Variants in MRC1 observed in about 807,000 individuals in gnomAD.
MRC1 encodes the protein macrophage mannose receptor 1.
In MRC1, 62 loss-of-function variants were observed where a neutral mutation model predicts 102.9. That is an observed-to-expected ratio of 0.60 (90% CI 0.49 to 0.74). MRC1 has a LOEUF of 0.74. Ranked by LOEUF, MRC1 falls within the 30% of genes least tolerant of loss-of-function variation. MRC1 has a pLI of 0.00. For missense variants in MRC1, 1,237 were observed against 862.8 expected (o/e 1.43, Z -5.43); for synonymous variants, 457 against 298.4 (o/e 1.53, Z -5.48).
At position 17,842,182 on chromosome 10, in the gene MRC1, C is replaced by T. The variant is rs1046441024; in HGVS notation, c.916+1376C>T. On this transcript the variant is annotated intron_variant, in intron 5 of 29. Coordinates refer to ENST00000569591, the MANE Select transcript of MRC1 (RefSeq NM_002438.4). Reference sequence around the variant, plus strand: ...TTCCCCACATTGGCCAGGCCAGTCTCGAACTTCTGAACTCAAGTGATGTGG... The same window carrying T: ...TTCCCCACATTGGCCAGGCCAGTCTTGAACTTCTGAACTCAAGTGATGTGG... Among the ~76,000 whole-genome samples the T allele has an allele frequency of 9.3e-3, 1,423 of 152,270 alleles. 23 individuals are homozygous for T. Among genetic ancestry groups the T allele is most frequent in the African/African-American group, 0.033 (1,351 of 41,558 alleles).
At chr10:17,815,890 G>A (rs1398888114) in intron 1 of MRC1, among the ~76,000 whole-genome samples, 1 of 151,248 alleles carries the variant, frequency 6.6e-6, no homozygotes, top group African/African-American at 2.4e-5. Context: ...GCAGTGGCAC[G>A]ATCTTGGCTC....
At chr10:17,839,562 T>C (rs1363032932) in intron 4 of MRC1, among the ~76,000 whole-genome samples, 1 of 152,112 alleles carries the variant, frequency 6.6e-6, no homozygotes, top group Non-Finnish European at 1.5e-5. Flanking sequence ...TAGTCCCAGC[T>C]ATTTAGGAGA....
Position 17,861,418 on chromosome 10 carries a change from T to C in MRC1, c.1550T>C (p.Met517Thr). ...AAAAAACATCACTTTTACTGCTATA[T>C]GATTGGACATACGCTTTCAACATTT... ...GWKKHHFYCYMIGHTLSTFAE... is the reference protein window; with the variant it reads ...GWKKHHFYCYTIGHTLSTFAE... The change falls in exon 10 of 30, where the codon ATG becomes ACG. Residue 517 changes from methionine (M) to threonine (T), a missense_variant. By Grantham distance (81) the Met-to-Thr change is moderately conservative. Coordinates refer to ENST00000569591, the MANE Select transcript of MRC1 (RefSeq NM_002438.4). 1.1e-6 allele frequency: 1 copy of C among 872,534 alleles called. No individual in the cohort carries two copies. The highest frequency in any genetic ancestry group is 2.0e-6 in the Non-Finnish European group (1 of 501,414). 54.0% of individuals were successfully genotyped at this position (872,534 alleles called of 1,614,324 possible). A position where few individuals can be genotyped will look rare whatever the true frequency, so the allele number is the denominator to read the frequency against.
In MRC1 at chr10:17,887,401, A is replaced by AAAACAAAAC. The variant is rs1833613669; in HGVS notation, c.3147+1970_3147+1978dup. 2.6e-5 allele frequency among the ~76,000 whole-genome samples: 4 copies of AAAACAAAAC among 152,154 alleles called. No homozygotes were observed. In the South Asian group the frequency reaches 8.3e-4, roughly 32 times the overall value. ...GCGAGACTCCGCCTCAAAACAAAAC[A>AAAACAAAAC]AAACAAAACAAAACAAACAAACAAA... is the stretch of plus-strand genomic sequence containing the variant. On this transcript the variant is annotated intron_variant, in intron 22 of 29. Transcript: ENST00000569591.
At chr10:17,831,338 A>G (rs926654659) in intron 3 of MRC1, among the ~76,000 whole-genome samples, 2 of 151,520 alleles carry the variant, frequency 1.3e-5, no homozygotes, top group Non-Finnish European at 2.9e-5. Flanking sequence ...ACCTCAGATC[A>G]TTATAATTTA....
intron 23 of MRC1, 87 bp downstream of exon 23, chr10:17,894,399 T>TC (rs1318898800): frequency 3.2e-5 from 20 of 630,616 alleles, no homozygotes; most frequent in South Asian, 9.6e-5. Flanking sequence ...TCTTTCTTTT[T>TC]TTTTTTTTTT....
At chr10:17,866,818 A>G in intron 12 of MRC1, 57 bp downstream of exon 12, 1 of 780,464 alleles carries the variant, frequency 1.3e-6, no homozygotes, top group South Asian at 1.3e-5. Context: ...AGCCTAAAGA[A>G]TCATCTAAGG....
At chr10:17,875,045 AT>A (rs1368930661) in intron 16 of MRC1, 44 bp from the exon 17 acceptor site, 1 of 780,496 alleles carries the variant, frequency 1.3e-6, no homozygotes, top group African/African-American at 1.7e-5. Flanking sequence ...AGATTCTTGA[AT>A]TTGTCTGCAT....
At chr10:17,812,514 C>G (rs1391862539) in intron 1 of MRC1, among the ~76,000 whole-genome samples, 1 of 150,044 alleles carries the variant, frequency 6.7e-6, no homozygotes, top group Non-Finnish European at 1.5e-5. Context: ...TGATTTCAAG[C>G]TACTGACTTG....
chr10:17,859,094 T>G (rs924398880), intron 9 of MRC1, among the ~76,000 whole-genome samples: 6 of 152,224 alleles, frequency 3.9e-5, no homozygotes, highest in African/African-American at 7.2e-5. Context: ...ATCTGACCAT[T>G]GAGTTTTTAA....
intron 1 of MRC1, among the ~76,000 whole-genome samples, chr10:17,819,708 C>T (rs987293966): frequency 1.3e-4 from 20 of 151,990 alleles, no homozygotes; most frequent in African/African-American, 3.9e-4. Flanking sequence ...TTTGGGAGGC[C>T]GAGGCAGGAG....
chr10:17,859,328 T>A (rs886724899), intron 9 of MRC1, among the ~76,000 whole-genome samples: 10 of 152,190 alleles, frequency 6.6e-5, no homozygotes, highest in African/African-American at 1.4e-4. Flanking sequence ...GTTGTTGTTG[T>A]TGTTTTTGAG....
At chr10:17,838,884 C>T (rs979579400) in intron 4 of MRC1, among the ~76,000 whole-genome samples, 2 of 152,168 alleles carry the variant, frequency 1.3e-5, no homozygotes, top group Non-Finnish European at 2.9e-5. Context: ...GGAATTGTTG[C>T]TTTGTGCAGC....
Position 17,870,303 on chromosome 10 carries a change from C to T in MRC1, c.2041C>T (p.Arg681Ter). Residue 681 changes from arginine to a stop codon, truncating the protein, a stop_gained, in exon 13 of 30, where the codon CGA becomes TGA. Coordinates refer to ENST00000569591, the MANE Select transcript of MRC1 (RefSeq NM_002438.4). LOFTEE classifies it high-confidence loss of function. ...GTGGTTTGAATCTCGAGATTTTTGT[C>T]GAGCTCTGGGTGGAGACTTAGCTAG... The part of the protein sequence containing the change: ...KTWFESRDFC[R>*]ALGGDLASIN... 3.8e-6 allele frequency: 3 copies of T among 780,346 alleles called. No individual in the cohort carries two copies. Among genetic ancestry groups the T allele is most frequent in the East Asian group, 2.4e-5 (1 of 41,222 alleles). 48.3% of individuals were successfully genotyped at this position (780,346 alleles called of 1,614,324 possible). A position where few individuals can be genotyped will look rare whatever the true frequency, so the allele number is the denominator to read the frequency against.
intron 8 of MRC1, chr10:17,854,755 CT>C (rs1474551444): frequency 4.5e-6 from 1 of 221,428 alleles, no homozygotes; most frequent in East Asian, 1.7e-4. Flanking sequence ...ATGGCACAAT[CT>C]TGGCTCAATG....
At chr10:17,820,522 G>C (rs900294382) in intron 1 of MRC1, among the ~76,000 whole-genome samples, 7 of 152,104 alleles carry the variant, frequency 4.6e-5, no homozygotes, top group Non-Finnish European at 1.0e-4. Flanking sequence ...TTAAAAGACT[G>C]GTTGCCAATC....
intron 19 of MRC1, 96 bp downstream of exon 19, chr10:17,879,917 A>G (rs514707): frequency 0.81 from 629,007 of 777,180 alleles, 256,088 homozygotes; most frequent in African/African-American, 0.9. Context: ...CTTACATCAG[A>G]CAAGATAAGA....
Position 17,826,466 on chromosome 10 carries a change from C to T in MRC1, c.464-1076C>T, listed in dbSNP as rs562275482. Among the ~76,000 whole-genome samples, 6 of 152,256 alleles carry T rather than the reference C, an allele frequency of 3.9e-5. No individual in the cohort carries two copies. The South Asian group carries it at 6.2e-4, about 16-fold the overall frequency. ...ATCCGCCTGCCTTGGCCTCTCAAAG[C>T]GCTGGGATTGCAAGCGTGAGACAAG... On this transcript the variant is annotated intron_variant, in intron 2 of 29. Coordinates refer to ENST00000569591, the MANE Select transcript of MRC1 (RefSeq NM_002438.4).
intron 1 of MRC1, among the ~76,000 whole-genome samples, chr10:17,811,369 G>A (rs1252735317): frequency 4.6e-5 from 7 of 152,132 alleles, no homozygotes; most frequent in East Asian, 3.9e-4. Flanking sequence ...AGTGTTTCTC[G>A]GTTTGCTCAG....
Sources: gnomAD v4.1 joint callset for allele counts (sites outside exome capture counted in the v4.1 genomes callset) on GRCh38, gnomAD v4.1.1 for gene constraint, MANE v1.5 for transcripts, NCBI Gene and HGNC (gene_info 2026-07-23, HGNC 2026-07-21) for gene names.